The following ARHGAP26 variants were observed in gnomAD, a reference collection of about 807,000 sequenced individuals.
The protein encoded by ARHGAP26 is Rho GTPase activating protein 26.
A neutral mutation model predicts 104.8 loss-of-function variants in ARHGAP26; 38 were observed. The observed-to-expected ratio is 0.36, with a 90% CI of 0.28 to 0.48. ARHGAP26 has a LOEUF of 0.48. Ranked by LOEUF, ARHGAP26 falls within the 20% of genes least tolerant of loss-of-function variation. The probability of loss-of-function intolerance (pLI) is 0.99; values close to 1 mark genes in which losing one functional copy is unlikely to be tolerated. For synonymous variants in ARHGAP26, 341 were observed against 340.0 expected (o/e 1.00, Z -0.03); for missense variants, 704 against 947.9 (o/e 0.74, Z 3.38).
chr5:143,042,939 T>A (rs1249019571), intron 14 of ARHGAP26, among the ~76,000 whole-genome samples: 2 of 152,216 alleles, frequency 1.3e-5, no homozygotes, highest in Non-Finnish European at 2.9e-5. Flanking sequence ...GGGTTTTTTT[T>A]GGTTAAGATT....
intron 18 of ARHGAP26, among the ~76,000 whole-genome samples, chr5:143,128,351 A>G (rs144951995): frequency 5.1e-4 from 78 of 152,328 alleles, no homozygotes; most frequent in African/African-American, 1.8e-3. Context: ...AGATATGGAA[A>G]ATCACAGCTC....
At chr5:142,772,056 C>T (rs760064539) in intron 1 of ARHGAP26, among the ~76,000 whole-genome samples, 1 of 152,204 alleles carries the variant, frequency 6.6e-6, no homozygotes, top group Admixed American at 6.5e-5. Flanking sequence ...GTAGGTGATA[C>T]CTTTCAGCTA....
At chr5:143,055,693 G>T (rs796702980) in intron 15 of ARHGAP26, among the ~76,000 whole-genome samples, 3 of 152,282 alleles carry the variant, frequency 2.0e-5, no homozygotes, top group African/African-American at 7.2e-5. Context: ...GTAGTTAGTT[G>T]CCTGTTTCTC....
At chr5:143,179,758 G>T (rs750705007) in intron 20 of ARHGAP26, among the ~76,000 whole-genome samples, 1 of 152,122 alleles carries the variant, frequency 6.6e-6, no homozygotes, top group Non-Finnish European at 1.5e-5. Flanking sequence ...CACTTCATTT[G>T]TTATTGTGGG....
intron 14 of ARHGAP26, among the ~76,000 whole-genome samples, chr5:143,053,507 T>A (rs1785331507): frequency 6.6e-6 from 1 of 152,198 alleles, no homozygotes; most frequent in Non-Finnish European, 1.5e-5. Context: ...AGGATGGGGA[T>A]CTGTGAAGCA....
intron 17 of ARHGAP26, among the ~76,000 whole-genome samples, chr5:143,107,156 G>A (rs1441712052): frequency 1.3e-5 from 2 of 152,070 alleles, no homozygotes; most frequent in African/African-American, 2.4e-5. Context: ...GTGTTCAGTC[G>A]GTATTGGGTG....
At chr5:143,209,082 C>T (rs1373079707) in intron 21 of ARHGAP26, among the ~76,000 whole-genome samples, 1 of 152,210 alleles carries the variant, frequency 6.6e-6, no homozygotes, top group Non-Finnish European at 1.5e-5. Context: ...GTAATTCCTT[C>T]ATTTTTATCA....
Position 142,913,296 on chromosome 5 carries a change from GAGT to G in ARHGAP26, c.1028+6_1028+8del. On this transcript the variant is annotated splice_donor_5th_base_variant and intron_variant, in intron 10 of 22. Coordinates refer to ENST00000645722, the MANE Select transcript of ARHGAP26 (RefSeq NM_001135608.3). ...TTTGATGTGGAAGCAGTAGACAGGT[GAGT>G]AGCTAGCATGCTTTTCTCAGGAGCA... 1.9e-6 allele frequency: 3 copies of G among 1,613,500 alleles called. No individual in the cohort carries two copies. In the South Asian group the frequency reaches 3.3e-5, roughly 18 times the overall value.
At chr5:142,928,886 TC>T (rs1331665684) in intron 10 of ARHGAP26, among the ~76,000 whole-genome samples, 5 of 124,692 alleles carry the variant, frequency 4.0e-5, no homozygotes, top group African/African-American at 1.9e-4. Flanking sequence ...TGATATTTAC[TC>T]CAATTTCTCT....
Position 143,224,930 on chromosome 5 carries a change from C to T in ARHGAP26, c.*2484C>T, listed in dbSNP as rs1056938096. The T allele has an allele frequency of 1.3e-5, 3 of 224,066 alleles. No individual in the cohort carries two copies. Among genetic ancestry groups the T allele is most frequent in the Non-Finnish European group, 2.7e-5 (3 of 112,390 alleles). 13.9% of individuals were successfully genotyped at this position (224,066 alleles called of 1,614,324 possible). ...TATACAGCTCTTTTCCGGGAACTCA[C>T]CCAGGAGCAAGCGAGACACTACCAT... On this transcript the variant is annotated 3_prime_UTR_variant, in exon 23 of 23. Transcript: ENST00000645722.
chr5:143,117,458 A>G (rs1012746797), intron 17 of ARHGAP26, among the ~76,000 whole-genome samples: 1 of 152,228 alleles, frequency 6.6e-6, no homozygotes, highest in Non-Finnish European at 1.5e-5. Flanking sequence ...AGTTGTGAGC[A>G]GTAATAATCA....
At chr5:142,848,559 A>G (rs1750906660) in intron 1 of ARHGAP26, among the ~76,000 whole-genome samples, 1 of 152,024 alleles carries the variant, frequency 6.6e-6, no homozygotes, top group African/African-American at 2.4e-5. Context: ...TGTCTAACAT[A>G]TGTGTTAGAG....
intron 1 of ARHGAP26, among the ~76,000 whole-genome samples, chr5:142,791,936 C>T (rs745800924): frequency 3.0e-4 from 36 of 119,352 alleles, no homozygotes; most frequent in Non-Finnish European, 4.2e-4. Flanking sequence ...GAGCAAAACC[C>T]GTCTCAAAAA....
chr5:143,081,009 G>A (rs1055848263), intron 17 of ARHGAP26, among the ~76,000 whole-genome samples: 2 of 152,150 alleles, frequency 1.3e-5, no homozygotes, highest in Non-Finnish European at 2.9e-5. Flanking sequence ...TGTGATATGT[G>A]TAGGGAAGGG....
intron 20 of ARHGAP26, among the ~76,000 whole-genome samples, chr5:143,180,448 C>G (rs6867173): frequency 0.12 from 17,825 of 152,118 alleles, 1,322 homozygotes; most frequent in Non-Finnish European, 0.16. Flanking sequence ...TGATCTTGTC[C>G]CTTTCTGTAG....
In ARHGAP26 at chr5:143,173,032, T is replaced by C. The variant is rs1430964600; in HGVS notation, c.1988+25651T>C. 4 of 178,970 alleles carry C rather than the reference T, an allele frequency of 2.2e-5. No individual in the cohort carries two copies. In the East Asian group the frequency reaches 3.7e-4, roughly 17 times the overall value. The allele number at this position is 178,970 out of a possible 1,614,324, so 11.1% of individuals were successfully genotyped here. A position where few individuals can be genotyped will look rare whatever the true frequency, so the allele number is the denominator to read the frequency against. On this transcript the variant is annotated intron_variant, in intron 20 of 22. Transcript: ENST00000645722. Reference sequence around the variant, plus strand: ...ATACTGTTGGGAAGGTAGTATTCCGTGTACGTGAGACCTGCACCCAGGTTT... The same window carrying C: ...ATACTGTTGGGAAGGTAGTATTCCGCGTACGTGAGACCTGCACCCAGGTTT...
At chr5:143,046,150 C>G (rs1326233957) in intron 14 of ARHGAP26, among the ~76,000 whole-genome samples, 3 of 151,268 alleles carry the variant, frequency 2.0e-5, no homozygotes, top group Non-Finnish European at 2.9e-5. Context: ...ATAAAAAATA[C>G]AAAAATTAGC....
intron 17 of ARHGAP26, among the ~76,000 whole-genome samples, chr5:143,115,458 A>G (rs1278458982): frequency 6.6e-6 from 1 of 151,872 alleles, no homozygotes. Context: ...GAGGAGAAAT[A>G]CAAATAGGTA....
At chr5:142,816,196 T>C (rs1765105887) in intron 1 of ARHGAP26, among the ~76,000 whole-genome samples, 1 of 152,186 alleles carries the variant, frequency 6.6e-6, no homozygotes, top group Admixed American at 6.5e-5. Context: ...GAAGTTTGGC[T>C]CATCATTAGA....
Sources: allele counts gnomAD v4.1 joint callset (sites outside exome capture counted in the v4.1 genomes callset), GRCh38; gene constraint gnomAD v4.1.1; transcripts MANE v1.5; gene names NCBI Gene and HGNC (gene_info 2026-07-23, HGNC 2026-07-21).